The following MBTD1 variants were observed in gnomAD, a reference collection of about 807,000 sequenced individuals.
The protein encoded by MBTD1 is mbt domain containing 1, also known as MBT domain-containing protein 1.
MBTD1 carries 24 observed loss-of-function variants against 87.8 expected under a neutral mutation model. The ratio of observed to expected loss-of-function variants is 0.27; its 90% confidence interval spans 0.20 to 0.38. The LOEUF is 0.38. MBTD1 is among the 10% of genes least tolerant of loss of function. MBTD1 has a pLI of 1.00. For synonymous variants in MBTD1, 237 were observed against 248.6 expected, an observed-to-expected ratio of 0.95 and a Z score of 0.44; for missense variants, 436 against 760.2, an observed-to-expected ratio of 0.57 and a Z score of 5.02.
intron 16 of MBTD1, chr17:51,184,406 A>G (rs2050445151): frequency 6.6e-6 from 1 of 152,226 alleles, no homozygotes; most frequent in Non-Finnish European, 1.5e-5. Context: ...CCAGCTACGA[A>G]GCCCATAAAT....
In MBTD1 at chr17:51,177,467, G is replaced by A. The variant is rs538948532; in HGVS notation, c.*3109C>T. On this transcript the variant is annotated 3_prime_UTR_variant, in exon 17 of 17. Transcript: ENST00000586178. The stretch of plus-strand genomic sequence containing the variant: ...TTTTGTGTAAAAAAGGGCAAATTTA[G>A]TGAATTATTTTCATCTTGTACACAA... 1 of 152,288 alleles carries A rather than the reference G, an allele frequency of 6.6e-6. No individual in the cohort carries two copies. Among genetic ancestry groups the A allele is most frequent in the African/African-American group, 2.4e-5 (1 of 41,570 alleles). The allele number at this position is 152,288 out of a possible 1,614,324, so 9.4% of individuals were successfully genotyped here.
chr17:51,223,814 C>T (rs1489968716), intron 3 of MBTD1, among the ~76,000 whole-genome samples: 1 of 152,030 alleles, frequency 6.6e-6, no homozygotes, highest in Admixed American at 6.6e-5. Flanking sequence ...CCAGCTTGGG[C>T]ATCAGAGTGA....
At chr17:51,258,890 C>G (rs999052406) in intron 2 of MBTD1, among the ~76,000 whole-genome samples, 2 of 152,152 alleles carry the variant, frequency 1.3e-5, no homozygotes, top group East Asian at 1.9e-4. Context: ...TCTCTCAACC[C>G]CCCTTCCTCC....
intron 2 of MBTD1, among the ~76,000 whole-genome samples, chr17:51,229,747 G>A (rs758793120): frequency 1.5e-4 from 23 of 148,800 alleles, no homozygotes; most frequent in Non-Finnish European, 2.1e-4. Flanking sequence ...TGCAAGCTCC[G>A]TCTCCTGGGT....
intron 2 of MBTD1, among the ~76,000 whole-genome samples, chr17:51,255,141 T>C (rs2055010339): frequency 6.6e-6 from 1 of 151,860 alleles, no homozygotes; most frequent in African/African-American, 2.4e-5. Context: ...ATGAACTGGG[T>C]GTGGTGGCAT....
intron 16 of MBTD1, among the ~76,000 whole-genome samples, chr17:51,190,750 A>AATATATATATATAT (rs1555677186): frequency 9.6e-4 from 38 of 39,706 alleles, no homozygotes; most frequent in African/African-American, 4.7e-3. Context: ...AAAAAAAAAA[A>AATATATATATATAT]ATATATATAT....
intron 12 of MBTD1, among the ~76,000 whole-genome samples, chr17:51,197,297 T>C (rs965413528): frequency 1.3e-5 from 2 of 151,076 alleles, no homozygotes; most frequent in African/African-American, 4.8e-5. Context: ...AGATGGGGTT[T>C]CGCCATGTTG....
chr17:51,225,238 T>C, intron 2 of MBTD1, 29 bp from the exon 3 acceptor site: 1 of 1,358,094 alleles, frequency 7.4e-7, no homozygotes, highest in African/African-American at 1.5e-5. Flanking sequence ...CAGTGACACA[T>C]GACACAACAC....
intron 8 of MBTD1, 46 bp from the exon 9 acceptor site, chr17:51,203,274 G>A: frequency 1.1e-6 from 1 of 934,386 alleles, no homozygotes; most frequent in Non-Finnish European, 1.6e-6. Flanking sequence ...AAAAAGAACT[G>A]CTTCATAAAT....
At chr17:51,201,812 A>G in intron 11 of MBTD1, 116 bp from the exon 12 acceptor site, 1 of 778,672 alleles carries the variant, frequency 1.3e-6, no homozygotes. Flanking sequence ...CTAATATTAT[A>G]ACTCAAACTT....
At chr17:51,212,333 G>A (rs2052283116) in intron 6 of MBTD1, among the ~76,000 whole-genome samples, 1 of 145,738 alleles carries the variant, frequency 6.9e-6, no homozygotes, top group Non-Finnish European at 1.5e-5. Context: ...ACTCCAGCCT[G>A]ACTGAAAGAG....
chr17:51,212,068 A>G (rs1025388482), intron 6 of MBTD1, among the ~76,000 whole-genome samples: 6 of 152,204 alleles, frequency 3.9e-5, no homozygotes, highest in African/African-American at 1.4e-4. Context: ...GGCAGAATGA[A>G]AAAGTATGCG....
In MBTD1 at chr17:51,202,833, T is replaced by C; in HGVS notation, c.931A>G (p.Ile311Val). Reference protein sequence around the residue: ...RTRVAVVESVIGGRLRLVYEE... With the variant: ...RTRVAVVESVVGGRLRLVYEE... ...TACACTAGTCTTAATCTTCCTCCAA[T>C]TACACTTTCCACCACTGCTACTCGT... Residue 311 changes from isoleucine to valine, a missense_variant, in exon 10 of 17, where the codon ATT becomes GTT. Coordinates refer to ENST00000586178, the MANE Select transcript of MBTD1 (RefSeq NM_017643.3). 1 of 1,614,094 alleles carries C rather than the reference T, an allele frequency of 6.2e-7. No homozygotes were observed. The highest frequency in any genetic ancestry group is 8.5e-7 in the Non-Finnish European group (1 of 1,179,992).
intron 16 of MBTD1, among the ~76,000 whole-genome samples, chr17:51,187,804 G>A (rs2050610272): frequency 6.7e-6 from 1 of 149,160 alleles, no homozygotes. Flanking sequence ...AGCCGACAGT[G>A]CACCACTGCA....
intron 6 of MBTD1, among the ~76,000 whole-genome samples, chr17:51,207,588 T>C (rs936411034): frequency 2.6e-5 from 4 of 152,188 alleles, no homozygotes; most frequent in Non-Finnish European, 5.9e-5. Flanking sequence ...TGGTAAACTA[T>C]TTAAATTATT....
In MBTD1 at chr17:51,184,029, G is replaced by C. The variant is rs1052313848; in HGVS notation, c.1769-3335C>G. ...TCTAAAGCATATCTTGAAGCAATATGCATTACTGCTAACAACAAATTTCTG... is the reference window on the plus strand; with the variant it reads ...TCTAAAGCATATCTTGAAGCAATATCCATTACTGCTAACAACAAATTTCTG... On this transcript the variant is annotated intron_variant, in intron 16 of 16. Coordinates refer to ENST00000586178, the MANE Select transcript of MBTD1 (RefSeq NM_017643.3). 3.3e-5 allele frequency: 5 copies of C among 152,320 alleles called. No homozygotes were observed. In the South Asian group the frequency reaches 1.0e-3, roughly 32 times the overall value. 9.4% of individuals were successfully genotyped at this position (152,320 alleles called of 1,614,324 possible).
chr17:51,185,062 A>G (rs1314288319), intron 16 of MBTD1: 1 of 152,218 alleles, frequency 6.6e-6, no homozygotes, highest in Non-Finnish European at 1.5e-5. Flanking sequence ...TAAAATGGCA[A>G]AAACCACCAA....
chr17:51,200,325 G>A (rs1304720549), intron 12 of MBTD1, among the ~76,000 whole-genome samples: 1 of 151,986 alleles, frequency 6.6e-6, no homozygotes, highest in Non-Finnish European at 1.5e-5. Flanking sequence ...TACTCAGGAG[G>A]CTGAGGCAGC....
At chr17:51,208,458 A>G (rs1052794404) in intron 6 of MBTD1, among the ~76,000 whole-genome samples, 1 of 152,226 alleles carries the variant, frequency 6.6e-6, no homozygotes, top group African/African-American at 2.4e-5. Flanking sequence ...ATATCATTCT[A>G]GACTGTAGGG....
Sources: allele counts gnomAD v4.1 joint callset (sites outside exome capture counted in the v4.1 genomes callset), GRCh38; gene constraint gnomAD v4.1.1; transcripts MANE v1.5; gene names NCBI Gene and HGNC (gene_info 2026-07-23, HGNC 2026-07-21).